HIF1A: variants seen among roughly 807,000 people sequenced by gnomAD.
HIF1A encodes hypoxia-inducible factor 1-alpha.
Under a neutral mutation model 92.7 loss-of-function variants are expected in HIF1A, and 24 were observed. That is an observed-to-expected ratio of 0.26 (90% CI 0.19 to 0.36). HIF1A has a LOEUF of 0.36. HIF1A is among the 10% of genes least tolerant of loss of function. The probability of loss-of-function intolerance (pLI) is 1.00; values close to 1 mark genes in which losing one functional copy is unlikely to be tolerated. For synonymous variants in HIF1A, 319 were observed against 338.7 expected, an observed-to-expected ratio of 0.94 and a Z score of 0.64; for missense variants, 799 against 998.5, an observed-to-expected ratio of 0.80 and a Z score of 2.69.
rs570686461 is a variant in HIF1A, at chr14:61,741,934, C to T, written c.2093+746C>T. Among the ~76,000 whole-genome samples, 197 of 152,268 alleles carry T rather than the reference C, an allele frequency of 1.3e-3. 1 individual carries two copies. Among genetic ancestry groups the T allele is most frequent in the African/African-American group, 4.4e-3 (184 of 41,544 alleles). On this transcript the variant is annotated intron_variant, in intron 12 of 14. Coordinates refer to ENST00000337138, the MANE Select transcript of HIF1A (RefSeq NM_001530.4). ...TCCAATTGCACATTCCAAATTGAGC[C>T]TTCCATCTTCAGCATTCAATATAGA...
At chr14:61,744,323 G>C (rs2044750038) in intron 12 of HIF1A, among the ~76,000 whole-genome samples, 1 of 152,044 alleles carries the variant, frequency 6.6e-6, no homozygotes, top group African/African-American at 2.4e-5. Flanking sequence ...TCAGGAGTTT[G>C]AGACCAGCCT....
intron 1 of HIF1A, among the ~76,000 whole-genome samples, chr14:61,696,940 C>T (rs1053999253): frequency 6.6e-6 from 1 of 152,118 alleles, no homozygotes; most frequent in Non-Finnish European, 1.5e-5. Flanking sequence ...TGAGTTGGAC[C>T]AGTGGTGTTA....
rs566137150 is a variant in HIF1A at position 61,696,413 on chromosome 14, G to T, written c.35+574G>T. Among the ~76,000 whole-genome samples the T allele has an allele frequency of 2.0e-5, 3 of 152,346 alleles. No individual in the cohort carries two copies. The South Asian group carries it at 6.2e-4, about 32-fold the overall frequency. On this transcript the variant is annotated intron_variant, in intron 1 of 14. Transcript: ENST00000337138. ...GATCTTGTCCTGTAGTTGTCCAGCC[G>T]TCGCGGGTGTCTTTGCCTTTGTGCA...
At position 61,747,208 on chromosome 14, in the gene HIF1A, T is replaced by TC. The variant is rs1307099949; in HGVS notation, c.*124dup. 1 of 640,148 alleles carries TC rather than the reference T, an allele frequency of 1.6e-6. No individual in the cohort carries two copies. The highest frequency in any genetic ancestry group is 3.1e-5 in the East Asian group (1 of 32,418). The allele number at this position is 640,148 out of a possible 1,614,324, so 39.7% of individuals were successfully genotyped here. ...ACAATACTGCACAAACTTGGTTAGTTCAATTTTGATCCCCTTTCTACTTAA... is the reference window on the plus strand; with the variant it reads ...ACAATACTGCACAAACTTGGTTAGTTCCAATTTTGATCCCCTTTCTACTTAA... On this transcript the variant is annotated 3_prime_UTR_variant, in exon 15 of 15. Coordinates refer to ENST00000337138, the MANE Select transcript of HIF1A (RefSeq NM_001530.4).
In HIF1A at chr14:61,746,941, A is replaced by G; in HGVS notation, c.2337A>G (p.Ala779=). The G allele has an allele frequency of 6.2e-7, 1 of 1,602,916 alleles. No homozygotes were observed. Among genetic ancestry groups the G allele is most frequent in the Non-Finnish European group, 8.5e-7 (1 of 1,176,828 alleles). The part of the protein sequence containing the change: ...KTIILIPSDL[A]CRLLGQSMDE... The stretch of plus-strand genomic sequence containing the variant: ...ATCTCTTTTGTTTTTCAGATTTAGC[A>G]TGTAGACTGCTGGGGCAATCAATGG... Residue 779 remains alanine, a synonymous_variant, in exon 15 of 15, where the codon GCA becomes GCG. Coordinates refer to ENST00000337138, the MANE Select transcript of HIF1A (RefSeq NM_001530.4).
Position 61,737,080 on chromosome 14 carries a change from C to A in HIF1A, c.1220C>A (p.Thr407Lys). ...TTGCTGGCCCCAGCCGCTGGAGACA[C>A]AATCATATCTTTAGATTTTGGCAGC... The part of the protein sequence containing the change: ...LTLLAPAAGD[T>K]IISLDFGSND... Residue 407 changes from threonine to lysine, a missense_variant, in exon 9 of 15, where the codon ACA (threonine) becomes AAA (lysine). By Grantham distance (78) the Thr-to-Lys change is moderately conservative. Transcript: ENST00000337138. The A allele has an allele frequency of 1.2e-6, 2 of 1,614,118 alleles. No individual in the cohort carries two copies. The highest frequency in any genetic ancestry group is 1.7e-6 in the Non-Finnish European group (2 of 1,179,956).
At chr14:61,718,110 T>C (rs1566565964) in intron 1 of HIF1A, among the ~76,000 whole-genome samples, 1 of 152,088 alleles carries the variant, frequency 6.6e-6, no homozygotes, top group African/African-American at 2.4e-5. Context: ...ATTGGTAGTT[T>C]ACATCAGTTG....
At chr14:61,697,767 C>T (rs1167463153) in intron 1 of HIF1A, 4 of 1,430,552 alleles carry the variant, frequency 2.8e-6, no homozygotes, top group Non-Finnish European at 3.6e-6. Flanking sequence ...ATGACCTTTT[C>T]TAACTAATTT....
intron 1 of HIF1A, chr14:61,697,994 A>C: frequency 3.3e-6 from 4 of 1,216,674 alleles, no homozygotes; most frequent in Non-Finnish European, 3.3e-6. Context: ...AGGACATTTC[A>C]TGTTGTTCCT....
intron 1 of HIF1A, among the ~76,000 whole-genome samples, chr14:61,709,219 G>A (rs1443701795): frequency 6.6e-6 from 1 of 152,084 alleles, no homozygotes; most frequent in Admixed American, 6.6e-5. Context: ...TATAATCAGG[G>A]CTCAAAGATT....
chr14:61,732,594 A>C (rs1344531005), intron 7 of HIF1A, 70 bp downstream of exon 7: 1 of 924,850 alleles, frequency 1.1e-6, no homozygotes, highest in East Asian at 2.4e-5. Flanking sequence ...CAGTTTGGCT[A>C]CCCATCTAAT....
chr14:61,735,602 A>G (rs1398925901), intron 8 of HIF1A, among the ~76,000 whole-genome samples: 1 of 152,244 alleles, frequency 6.6e-6, no homozygotes, highest in East Asian at 1.9e-4. Flanking sequence ...AGGGTTGGCT[A>G]TTTTAATCTT....
At position 61,695,663 on chromosome 14, in the gene HIF1A, C is replaced by G; in HGVS notation, c.-142C>G. The G allele has an allele frequency of 1.2e-6, 1 of 863,816 alleles. No individual in the cohort carries two copies. Among genetic ancestry groups the G allele is most frequent in the Non-Finnish European group, 1.8e-6 (1 of 567,180 alleles). 53.5% of individuals were successfully genotyped at this position (863,816 alleles called of 1,614,324 possible). ...CGATTGCCGCCCGCTTCTCTCTAGT[C>G]TCACGAGGGGTTTCCCGCCTCGCAC... On this transcript the variant is annotated 5_prime_UTR_variant, in exon 1 of 15. Coordinates refer to ENST00000337138, the MANE Select transcript of HIF1A (RefSeq NM_001530.4).
chr14:61,738,429 A>C, intron 10 of HIF1A, 56 bp downstream of exon 10: 1 of 1,394,612 alleles, frequency 7.2e-7, no homozygotes, highest in Non-Finnish European at 9.8e-7. Flanking sequence ...ACATTCAAGA[A>C]TGTATTTATA....
chr14:61,696,839 A>C (rs975354420), intron 1 of HIF1A, among the ~76,000 whole-genome samples: 8 of 152,184 alleles, frequency 5.3e-5, no homozygotes, highest in African/African-American at 1.9e-4. Flanking sequence ...CATATATCTA[A>C]AGTAAGTAAT....
At chr14:61,732,035 C>G (rs573717902) in intron 6 of HIF1A, among the ~76,000 whole-genome samples, 20 of 152,254 alleles carry the variant, frequency 1.3e-4, no homozygotes, top group Non-Finnish European at 2.5e-4. Context: ...ACTTGGGAGG[C>G]TGAGGCAGGG....
intron 1 of HIF1A, among the ~76,000 whole-genome samples, chr14:61,711,034 C>T (rs571270479): frequency 4.1e-5 from 5 of 120,624 alleles, no homozygotes; most frequent in Admixed American, 3.9e-4. Flanking sequence ...GGCAACAGTG[C>T]GAGACTCTGT....
At chr14:61,715,375 A>G (rs1355465552) in intron 1 of HIF1A, among the ~76,000 whole-genome samples, 1 of 152,078 alleles carries the variant, frequency 6.6e-6, no homozygotes, top group African/African-American at 2.4e-5. Context: ...TCTGAAGCCA[A>G]CTCCTATAAT....
intron 1 of HIF1A, among the ~76,000 whole-genome samples, chr14:61,701,657 A>T (rs1379112633): frequency 1.3e-5 from 2 of 152,104 alleles, no homozygotes; most frequent in African/African-American, 2.4e-5. Flanking sequence ...ATAAAACTGG[A>T]TATGTTTCAG....
Sources: allele counts gnomAD v4.1 joint callset (sites outside exome capture counted in the v4.1 genomes callset), GRCh38; gene constraint gnomAD v4.1.1; transcripts MANE v1.5; gene names NCBI Gene and HGNC (gene_info 2026-07-23, HGNC 2026-07-21).